Variants in VEPH1 observed in about 807,000 individuals in gnomAD.
VEPH1 encodes the protein ventricular zone expressed PH domain containing 1, also known as ventricular zone-expressed PH domain-containing protein homolog 1.
A neutral mutation model predicts 85.2 loss-of-function variants in VEPH1; 80 were observed. The observed-to-expected ratio is 0.94, with a 90% confidence interval of 0.78 to 1.13. The LOEUF is 1.13. Ranked by LOEUF, VEPH1 falls within the 50% of genes most tolerant of loss-of-function variation. The pLI, the probability that VEPH1 is intolerant of heterozygous loss-of-function variation, is 0.00. For missense variants in VEPH1, 955 were observed against 980.5 expected (o/e 0.97, Z 0.35); for synonymous variants, 297 against 348.0 (o/e 0.85, Z 1.63).
At chr3:157,310,843 G>A (rs1377879857) in intron 11 of VEPH1, among the ~76,000 whole-genome samples, 2 of 152,126 alleles carry the variant, frequency 1.3e-5, no homozygotes, top group Non-Finnish European at 2.9e-5. Context: ...TATTTCATTG[G>A]CTGAAGCAAG....
chr3:157,327,605 T>TAA, intron 9 of VEPH1, among the ~76,000 whole-genome samples: 4 of 152,284 alleles, frequency 2.6e-5, no homozygotes, highest in Admixed American at 2.6e-4. Context: ...GAAACACTTA[T>TAA]AAGAGTCACA....
At chr3:157,268,601 G>T (rs528139547) in intron 12 of VEPH1, among the ~76,000 whole-genome samples, 120 of 152,178 alleles carry the variant, frequency 7.9e-4, no homozygotes, top group Admixed American at 2.5e-3. Flanking sequence ...ATCAGCAAGA[G>T]AAAATAATAA....
intron 12 of VEPH1, among the ~76,000 whole-genome samples, chr3:157,281,524 A>G (rs993014146): frequency 4.0e-5 from 6 of 151,760 alleles, no homozygotes; most frequent in African/African-American, 1.5e-4. Context: ...CACCACATAC[A>G]TCAAAATCGA....
intron 7 of VEPH1, among the ~76,000 whole-genome samples, chr3:157,379,324 C>G (rs1255540030): frequency 1.3e-5 from 2 of 152,080 alleles, no homozygotes; most frequent in Non-Finnish European, 2.9e-5. Context: ...TTTGTGGTAT[C>G]CTTTTTACCC....
chr3:157,381,379 A>G lies in VEPH1; in HGVS notation c.907-3T>C, dbSNP rs2108866253. The G allele has an allele frequency of 6.2e-7, 1 of 1,613,940 alleles. No individual in the cohort carries two copies. ...GTCAGGCAGCTCCTGGCTCTCTCCT[A>G]CCAAAAACAATGAAGAAAATAGGTT... On this transcript the variant is annotated splice_polypyrimidine_tract_variant and splice_region_variant and intron_variant, in intron 6 of 13. Transcript: ENST00000362010.
At chr3:157,455,042 G>T (rs187999677) in intron 4 of VEPH1, among the ~76,000 whole-genome samples, 9 of 152,272 alleles carry the variant, frequency 5.9e-5, no homozygotes, top group Admixed American at 1.3e-4. Flanking sequence ...AAATAGTGTT[G>T]CAATGAAGAT....
intron 2 of VEPH1, among the ~76,000 whole-genome samples, chr3:157,486,942 C>T (rs1008400401): frequency 6.6e-5 from 10 of 151,972 alleles, no homozygotes; most frequent in African/African-American, 2.2e-4. Flanking sequence ...CAGAGGAAGT[C>T]ACAATAAAAC....
At chr3:157,385,231 A>C (rs1729171621) in intron 6 of VEPH1, among the ~76,000 whole-genome samples, 1 of 151,810 alleles carries the variant, frequency 6.6e-6, no homozygotes. Context: ...AAAAAAAAAA[A>C]AAAAACTAAA....
chr3:157,496,713 T>G, intron 1 of VEPH1, among the ~76,000 whole-genome samples: 1 of 152,208 alleles, frequency 6.6e-6, no homozygotes, highest in East Asian at 1.9e-4. Context: ...CCTCTTTGTG[T>G]TGAGTGCAAG....
intron 4 of VEPH1, among the ~76,000 whole-genome samples, chr3:157,434,505 G>T (rs1239004910): frequency 2.0e-5 from 3 of 151,950 alleles, no homozygotes; most frequent in East Asian, 1.9e-4. Context: ...GCAGATGAGG[G>T]TCTTGCTATG....
intron 13 of VEPH1, among the ~76,000 whole-genome samples, chr3:157,264,265 C>T (rs1713308804): frequency 6.6e-6 from 1 of 152,230 alleles, no homozygotes; most frequent in African/African-American, 2.4e-5. Context: ...CTGCCATACC[C>T]AGGTTCTCAG....
intron 1 of VEPH1, among the ~76,000 whole-genome samples, chr3:157,495,950 C>T (rs1370066997): frequency 1.3e-5 from 2 of 152,202 alleles, no homozygotes; most frequent in African/African-American, 4.8e-5. Context: ...AACCTGGACA[C>T]AGAAACCAGT....
intron 3 of VEPH1, among the ~76,000 whole-genome samples, chr3:157,465,428 A>G (rs1736270379): frequency 1.3e-5 from 2 of 152,214 alleles, no homozygotes. Flanking sequence ...TATTTTGTCT[A>G]TTAAAGTCTA....
intron 5 of VEPH1, among the ~76,000 whole-genome samples, chr3:157,420,898 A>G (rs906252474): frequency 1.1e-4 from 17 of 152,220 alleles, no homozygotes; most frequent in African/African-American, 4.1e-4. Context: ...ATGTGTTACT[A>G]AACTCTGTTC....
At chr3:157,429,278 A>T (rs551097915) in intron 4 of VEPH1, among the ~76,000 whole-genome samples, 1 of 152,196 alleles carries the variant, frequency 6.6e-6, no homozygotes, top group African/African-American at 2.4e-5. Context: ...TTTTTGAACA[A>T]GAATTTTTTT....
chr3:157,424,111 AT>A (rs755159980), intron 5 of VEPH1, among the ~76,000 whole-genome samples: 24 of 152,148 alleles, frequency 1.6e-4, no homozygotes, highest in Non-Finnish European at 3.4e-4. Flanking sequence ...GTGGGAGATA[AT>A]TTGAATAATG....
At chr3:157,349,275 C>CA (rs1724580720) in intron 9 of VEPH1, among the ~76,000 whole-genome samples, 1 of 152,122 alleles carries the variant, frequency 6.6e-6, no homozygotes, top group Non-Finnish European at 1.5e-5. Context: ...GAATTAAGAA[C>CA]AAAAACCAGA....
Position 157,414,110 on chromosome 3 carries a change from G to T in VEPH1, c.697-20C>A. The T allele has an allele frequency of 6.5e-7, 1 of 1,538,680 alleles. No homozygotes were observed. Among genetic ancestry groups the T allele is most frequent in the East Asian group, 2.3e-5 (1 of 44,214 alleles). ...AACTACCTATAAAGAGAGAGGAGAGGAGGAGGGAAGAAAGAAGGAAGAAAG... is the reference window on the plus strand; with the variant it reads ...AACTACCTATAAAGAGAGAGGAGAGTAGGAGGGAAGAAAGAAGGAAGAAAG... On this transcript the variant is annotated intron_variant, in intron 5 of 13. Coordinates refer to ENST00000362010, the MANE Select transcript of VEPH1 (RefSeq NM_001167912.2).
intron 11 of VEPH1, among the ~76,000 whole-genome samples, chr3:157,293,904 A>C (rs1302861701): frequency 6.6e-6 from 1 of 152,274 alleles, no homozygotes; most frequent in East Asian, 1.9e-4. Flanking sequence ...AAAGGTCAAG[A>C]AAACTTTAAG....
Sources: gnomAD v4.1 joint callset for allele counts (sites outside exome capture counted in the v4.1 genomes callset) on GRCh38, gnomAD v4.1.1 for gene constraint, MANE v1.5 for transcripts, NCBI Gene and HGNC (gene_info 2026-07-23, HGNC 2026-07-21) for gene names.